Variants in CHIC2 observed in about 807,000 individuals in gnomAD.
CHIC2 encodes the protein cysteine rich hydrophobic domain 2, also known as cysteine-rich hydrophobic domain-containing protein 2.
In CHIC2, 14 loss-of-function variants were observed where a neutral mutation model predicts 25.9. The ratio of observed to expected loss-of-function variants is 0.54; its 90% CI spans 0.36 to 0.85. CHIC2 has a LOEUF of 0.85. CHIC2 is among the 40% of genes least tolerant of loss of function. The pLI, the probability that CHIC2 is intolerant of heterozygous loss-of-function variation, is 0.01. For missense variants in CHIC2, 146 were observed against 202.0 expected, an observed-to-expected ratio of 0.72 and a Z score of 1.68; for synonymous variants, 70 against 72.0, an observed-to-expected ratio of 0.97 and a Z score of 0.14.
intron 5 of CHIC2, among the ~76,000 whole-genome samples, chr4:54,010,991 T>G (rs767792292): frequency 6.6e-6 from 1 of 152,148 alleles, no homozygotes; most frequent in South Asian, 2.1e-4. Context: ...TTACACAAAG[T>G]GACCAGAGCT....
rs534309364 is a variant in CHIC2 at position 54,010,027 on chromosome 4, G to A, written c.*68C>T. On this transcript the variant is annotated 3_prime_UTR_variant, in exon 6 of 6. Coordinates refer to ENST00000263921, the MANE Select transcript of CHIC2 (RefSeq NM_012110.4). ...AGAACCAATGTTATGTCACCACCAG[G>A]AGAGCACCAAGCAAGGCACCATTGG... The A allele has an allele frequency of 2.4e-3, 2,496 of 1,047,312 alleles. 8 individuals carry two copies. The highest frequency in any genetic ancestry group is 3.0e-3 in the Non-Finnish European group (2,080 of 682,706). The allele number at this position is 1,047,312 out of a possible 1,614,324, so 64.9% of individuals were successfully genotyped here.
chr4:54,054,617 G>A (rs970875299), intron 1 of CHIC2, among the ~76,000 whole-genome samples: 13 of 152,082 alleles, frequency 8.5e-5, no homozygotes, highest in Non-Finnish European at 1.3e-4. Flanking sequence ...CTGTTACTCC[G>A]CATGCCTAAC....
At chr4:54,012,172 G>A (rs993547314) in intron 5 of CHIC2, among the ~76,000 whole-genome samples, 10 of 150,814 alleles carry the variant, frequency 6.6e-5, no homozygotes, top group African/African-American at 2.2e-4. Context: ...AACTGTCTTT[G>A]TACTCCTAGA....
At chr4:54,085,138 A>G in the CHIC2 span, among the ~76,000 whole-genome samples, 1 of 152,220 alleles carries the variant, frequency 6.6e-6, no homozygotes, top group East Asian at 1.9e-4. Context: ...ATAAAGAAAT[A>G]ACTCATTTAT....
At chr4:54,036,113 T>C (rs926791549) in intron 3 of CHIC2, among the ~76,000 whole-genome samples, 2 of 152,230 alleles carry the variant, frequency 1.3e-5, no homozygotes, top group Non-Finnish European at 2.9e-5. Flanking sequence ...TTAATTACTT[T>C]GAATAAGAAC....
At chr4:54,018,720 A>G (rs946855208) in intron 3 of CHIC2, among the ~76,000 whole-genome samples, 1 of 152,120 alleles carries the variant, frequency 6.6e-6, no homozygotes, top group African/African-American at 2.4e-5. Flanking sequence ...AGTCTTTAGA[A>G]CAAAAATATG....
chr4:54,011,242 T>C (rs920820183), intron 5 of CHIC2, among the ~76,000 whole-genome samples: 1 of 152,140 alleles, frequency 6.6e-6, no homozygotes, highest in Admixed American at 6.6e-5. Flanking sequence ...TCCTGGCTTT[T>C]GATCTGCCTC....
At chr4:54,074,261 A>C in the CHIC2 span, among the ~76,000 whole-genome samples, 1 of 152,142 alleles carries the variant, frequency 6.6e-6, no homozygotes, top group African/African-American at 2.4e-5. Context: ...TGCCATACTT[A>C]ACTTAGACAC....
intron 3 of CHIC2, among the ~76,000 whole-genome samples, chr4:54,028,921 A>G (rs1716139945): frequency 1.3e-5 from 2 of 152,144 alleles, no homozygotes; most frequent in South Asian, 4.1e-4. Context: ...TCAGAAGATT[A>G]AGACCATCCT....
intron 3 of CHIC2, among the ~76,000 whole-genome samples, chr4:54,033,208 C>G (rs1716286894): frequency 6.6e-6 from 1 of 152,198 alleles, no homozygotes; most frequent in African/African-American, 2.4e-5. Flanking sequence ...AATGCAAGAA[C>G]AGACTAACAT....
the CHIC2 span, among the ~76,000 whole-genome samples, chr4:54,080,018 TCGG>T: frequency 2.0e-5 from 3 of 151,568 alleles, no homozygotes; most frequent in Admixed American, 6.6e-5. Flanking sequence ...CAAAATGAAA[TCGG>T]TATCTCAAAG....
rs1470560206 is a variant in CHIC2 at position 54,049,251 on chromosome 4, T to C, written c.174A>G (p.Lys58=). 1.9e-6 allele frequency: 3 copies of C among 1,602,800 alleles called. No homozygotes were observed. In the African/African-American group the frequency reaches 4.0e-5, roughly 21 times the overall value. The change falls in exon 2 of 6, where the codon AAA becomes AAG. Residue 58 remains lysine, a splice_region_variant and synonymous_variant. Transcript: ENST00000263921. Reference sequence around the variant, plus strand: ...AATAGTACATAAATGAGACACTCACTTTTCCAGTTAATGAAGAAGGGAATT... The same window carrying C: ...AATAGTACATAAATGAGACACTCACCTTTCCAGTTAATGAAGAAGGGAATT... ...ESEFPSSLTG[K]VAPEEFKASI...
At chr4:54,073,055 G>C in the CHIC2 span, among the ~76,000 whole-genome samples, 78 of 151,634 alleles carry the variant, frequency 5.1e-4, no homozygotes, top group South Asian at 0.016. Context: ...GTGACAGAGC[G>C]AGACTCCGTC....
intron 3 of CHIC2, among the ~76,000 whole-genome samples, chr4:54,028,788 A>G (rs1221934595): frequency 6.6e-6 from 1 of 152,242 alleles, no homozygotes. Flanking sequence ...CTGGTATTAT[A>G]AACTAAGTGT....
upstream of CHIC2, among the ~76,000 whole-genome samples, chr4:54,066,861 T>C (rs1717530047): frequency 6.6e-6 from 1 of 152,198 alleles, no homozygotes; most frequent in African/African-American, 2.4e-5. Flanking sequence ...CAGTATGTCC[T>C]GGCACAGCCC....
At chr4:54,031,437 C>A (rs1394147771) in intron 3 of CHIC2, among the ~76,000 whole-genome samples, 1 of 152,012 alleles carries the variant, frequency 6.6e-6, no homozygotes, top group East Asian at 1.9e-4. Flanking sequence ...ATTTATTCAA[C>A]AAATATTTAT....
At chr4:54,042,573 T>A (rs1716611671) in intron 3 of CHIC2, among the ~76,000 whole-genome samples, 1 of 152,092 alleles carries the variant, frequency 6.6e-6, no homozygotes, top group Non-Finnish European at 1.5e-5. Context: ...ATTAAAACTC[T>A]TAGGATTTTC....
At chr4:54,087,167 C>A in the CHIC2 span, 3 of 744,486 alleles carry the variant, frequency 4.0e-6, no homozygotes, top group East Asian at 5.1e-5. Context: ...ACAGAGGACT[C>A]CTGGAAACAG....
chr4:54,058,833 ATTAT>A (rs1490368437), intron 1 of CHIC2, among the ~76,000 whole-genome samples: 1 of 152,136 alleles, frequency 6.6e-6, no homozygotes, highest in Non-Finnish European at 1.5e-5. Flanking sequence ...TTAGAGTAAT[ATTAT>A]TTATTTAAAT....
Sources: gnomAD v4.1 joint callset for allele counts (sites outside exome capture counted in the v4.1 genomes callset) on GRCh38, gnomAD v4.1.1 for gene constraint, MANE v1.5 for transcripts, NCBI Gene and HGNC (gene_info 2026-07-23, HGNC 2026-07-21) for gene names.